NXPE2: variants seen among roughly 807,000 people sequenced by gnomAD.
The protein encoded by NXPE2 is NXPE family member 2.
Under a neutral mutation model 34.4 loss-of-function variants are expected in NXPE2, and 34 were observed. The ratio of observed to expected loss-of-function variants is 0.99; its 90% confidence interval spans 0.75 to 1.31. The LOEUF (loss-of-function observed/expected upper bound fraction) is 1.31, where lower values mean the gene tolerates loss of function less well. Ranked by LOEUF, NXPE2 falls within the 40% of genes most tolerant of loss-of-function variation. NXPE2 has a pLI of 0.00. For missense variants in NXPE2, 649 were observed against 672.5 expected, an observed-to-expected ratio of 0.97 and a Z score of 0.39; for synonymous variants, 235 against 231.3, an observed-to-expected ratio of 1.02 and a Z score of -0.15.
At chr11:114,648,365 C>G in the NXPE2 span, among the ~76,000 whole-genome samples, 167 of 152,168 alleles carry the variant, frequency 1.1e-3, no homozygotes, top group African/African-American at 3.9e-3. Context: ...GGACAAAAAC[C>G]CATATCTCAG....
the NXPE2 span, among the ~76,000 whole-genome samples, chr11:114,613,693 G>A: frequency 6.6e-6 from 1 of 151,912 alleles, no homozygotes; most frequent in Non-Finnish European, 1.5e-5. Context: ...TTGCCTCGTG[G>A]GGAGCCACTG....
At chr11:114,571,221 G>T in the NXPE2 span, 1 of 1,613,436 alleles carries the variant, frequency 6.2e-7, no homozygotes, top group Admixed American at 1.7e-5. Context: ...GACATTGAGG[G>T]CCCTTCGGAT....
the NXPE2 span, among the ~76,000 whole-genome samples, chr11:114,544,344 G>A: frequency 2.6e-5 from 4 of 152,260 alleles, no homozygotes; most frequent in African/African-American, 9.6e-5. Context: ...CAAAGCTGCC[G>A]TTATCAAGAC....
chr11:114,648,303 G>C, the NXPE2 span, among the ~76,000 whole-genome samples: 1 of 152,070 alleles, frequency 6.6e-6, no homozygotes, highest in Non-Finnish European at 1.5e-5. Context: ...TTCAAAAGCT[G>C]GTAGGTTGAA....
intron 2 of NXPE2, among the ~76,000 whole-genome samples, chr11:114,691,221 T>C (rs1015396818): frequency 1.3e-5 from 2 of 152,160 alleles, no homozygotes; most frequent in East Asian, 3.9e-4. Flanking sequence ...TTTCTTCCCT[T>C]TGAATTTGCC....
At chr11:114,772,515 G>C in the NXPE2 span, among the ~76,000 whole-genome samples, 1 of 151,984 alleles carries the variant, frequency 6.6e-6, no homozygotes, top group African/African-American at 2.4e-5. Flanking sequence ...GTGATGTTCT[G>C]GGTGTCTAGG....
At chr11:114,781,867 C>A in the NXPE2 span, among the ~76,000 whole-genome samples, 1 of 152,146 alleles carries the variant, frequency 6.6e-6, no homozygotes, top group African/African-American at 2.4e-5. Flanking sequence ...ACTGGTTCAT[C>A]TGGAGTAGTC....
At chr11:114,645,409 G>A in the NXPE2 span, among the ~76,000 whole-genome samples, 4 of 151,990 alleles carry the variant, frequency 2.6e-5, no homozygotes, top group African/African-American at 9.7e-5. Context: ...GTGAAAAGGC[G>A]AACTTTAAAA....
the NXPE2 span, among the ~76,000 whole-genome samples, chr11:114,624,753 A>G: frequency 6.6e-6 from 1 of 151,838 alleles, no homozygotes; most frequent in Non-Finnish European, 1.5e-5. Flanking sequence ...AACCACTGTT[A>G]CCCAGTGGAT....
chr11:114,800,853 T>C, the NXPE2 span, among the ~76,000 whole-genome samples: 1 of 152,372 alleles, frequency 6.6e-6, no homozygotes, highest in Non-Finnish European at 1.5e-5. Context: ...GTGTCTAGAA[T>C]GTAGTAAATG....
the NXPE2 span, among the ~76,000 whole-genome samples, chr11:114,614,566 G>T: frequency 4.6e-5 from 7 of 151,426 alleles, no homozygotes; most frequent in Admixed American, 1.3e-4. Flanking sequence ...TTACCTTGTG[G>T]GTAACTACTG....
At chr11:114,602,781 A>G in the NXPE2 span, among the ~76,000 whole-genome samples, 1 of 144,712 alleles carries the variant, frequency 6.9e-6, no homozygotes, top group Non-Finnish European at 1.5e-5. Context: ...TTACAGAATA[A>G]TGTATAATAA....
chr11:114,777,158 A>G, the NXPE2 span, among the ~76,000 whole-genome samples: 330 of 152,352 alleles, frequency 2.2e-3, 3 homozygotes, highest in Middle Eastern at 0.014. Flanking sequence ...TCAAAAAGAT[A>G]TGACCTAACA....
upstream of NXPE2, among the ~76,000 whole-genome samples, chr11:114,676,701 T>C (rs1231689493): frequency 6.6e-6 from 1 of 152,056 alleles, no homozygotes; most frequent in Non-Finnish European, 1.5e-5. Flanking sequence ...GTATGGAGAT[T>C]ACTCAACAAA....
chr11:114,542,834 C>T, the NXPE2 span, among the ~76,000 whole-genome samples: 1 of 152,072 alleles, frequency 6.6e-6, no homozygotes, highest in Non-Finnish European at 1.5e-5. Context: ...CAGTAAAAAA[C>T]AAGCAAATAA....
chr11:114,728,506 A>G, the NXPE2 span, among the ~76,000 whole-genome samples: 1 of 152,102 alleles, frequency 6.6e-6, no homozygotes, highest in African/African-American at 2.4e-5. Context: ...TCTAACCATG[A>G]AACTCTTCTT....
chr11:114,599,899 C>T, the NXPE2 span, among the ~76,000 whole-genome samples: 1 of 151,988 alleles, frequency 6.6e-6, no homozygotes, highest in African/African-American at 2.4e-5. Context: ...AGATCCAAAC[C>T]ATATCAGAAT....
chr11:114,799,932 CCGT>C, the NXPE2 span, among the ~76,000 whole-genome samples: 2 of 151,604 alleles, frequency 1.3e-5, no homozygotes, highest in Admixed American at 6.6e-5. Context: ...TCCCTCCCTC[CCGT>C]CTTCATCCGT....
the NXPE2 span, among the ~76,000 whole-genome samples, chr11:114,741,822 C>G: frequency 6.6e-6 from 1 of 152,114 alleles, no homozygotes; most frequent in Non-Finnish European, 1.5e-5. Flanking sequence ...TTTGGGGTCA[C>G]TTACTAGAAT....
Sources: allele counts gnomAD v4.1 joint callset (sites outside exome capture counted in the v4.1 genomes callset), GRCh38; gene constraint gnomAD v4.1.1; transcripts MANE v1.5; gene names NCBI Gene and HGNC (gene_info 2026-07-23, HGNC 2026-07-21).